The following TASP1 variants were observed in gnomAD, a reference collection of about 807,000 sequenced individuals.
TASP1 encodes threonine aspartase 1.
A neutral mutation model predicts 56.6 loss-of-function variants in TASP1; 16 were observed. That is an observed-to-expected ratio of 0.28 (90% CI 0.19 to 0.43). The LOEUF (loss-of-function observed/expected upper bound fraction) is 0.43. TASP1 is among the 20% of genes least tolerant of loss of function. The pLI, the probability that TASP1 is intolerant of heterozygous loss-of-function variation, is 1.00. For synonymous variants in TASP1, 179 were observed against 184.2 expected, an observed-to-expected ratio of 0.97 and a Z score of 0.23; for missense variants, 393 against 511.6, an observed-to-expected ratio of 0.77 and a Z score of 2.24.
chr20:13,336,163 G>A, the TASP1 span, among the ~76,000 whole-genome samples: 2 of 152,202 alleles, frequency 1.3e-5, no homozygotes, highest in African/African-American at 4.8e-5. Context: ...AAAGGAGAAT[G>A]AGTTTCAACC....
chr20:13,320,810 GCTT>G, the TASP1 span, among the ~76,000 whole-genome samples: 1 of 152,156 alleles, frequency 6.6e-6, no homozygotes, highest in East Asian at 1.9e-4. Flanking sequence ...GTGGGAAAGG[GCTT>G]CCCAGAAGTT....
chr20:13,575,811 T>C (rs1470846830), intron 6 of TASP1, among the ~76,000 whole-genome samples: 3 of 152,118 alleles, frequency 2.0e-5, no homozygotes, highest in Admixed American at 6.5e-5. Flanking sequence ...ATATACCGCA[T>C]TGGAGGTTCC....
chr20:13,150,030 T>C, the TASP1 span, among the ~76,000 whole-genome samples: 1 of 152,204 alleles, frequency 6.6e-6, no homozygotes, highest in African/African-American at 2.4e-5. Flanking sequence ...GCAAAAGTGC[T>C]GAATGCACAC....
intron 7 of TASP1, 87 bp from the exon 8 acceptor site, chr20:13,559,201 C>A: frequency 1.3e-6 from 1 of 788,848 alleles, no homozygotes. Context: ...AGAGCCTTCC[C>A]AGAAGAAAAT....
intron 6 of TASP1, among the ~76,000 whole-genome samples, chr20:13,576,711 C>G (rs1295205506): frequency 1.3e-5 from 2 of 152,074 alleles, no homozygotes; most frequent in Non-Finnish European, 2.9e-5. Flanking sequence ...AATGGAAAAA[C>G]AAATTCTAAA....
At chr20:13,213,949 A>G in the TASP1 span, among the ~76,000 whole-genome samples, 1 of 152,202 alleles carries the variant, frequency 6.6e-6, no homozygotes, top group African/African-American at 2.4e-5. Context: ...CAAAAGACCA[A>G]AAGAAAAAGG....
the TASP1 span, among the ~76,000 whole-genome samples, chr20:13,172,415 A>G: frequency 6.6e-6 from 1 of 152,150 alleles, no homozygotes; most frequent in African/African-American, 2.4e-5. Flanking sequence ...CCATTTCTCC[A>G]ATCTGCACCA....
At chr20:13,280,318 T>C in the TASP1 span, among the ~76,000 whole-genome samples, 1 of 151,894 alleles carries the variant, frequency 6.6e-6, no homozygotes, top group South Asian at 2.1e-4. Context: ...GGCAACTGTG[T>C]TATGTTTGAT....
the TASP1 span, among the ~76,000 whole-genome samples, chr20:13,281,841 G>A: frequency 6.6e-6 from 1 of 152,178 alleles, no homozygotes; most frequent in South Asian, 2.1e-4. Context: ...TTGTTTCTAT[G>A]AGTAGAGCTC....
chr20:13,288,558 G>C, the TASP1 span: 7 of 1,613,764 alleles, frequency 4.3e-6, no homozygotes, highest in African/African-American at 9.3e-5. Context: ...GATGGCGAGG[G>C]TGACTGGAGT....
the TASP1 span, among the ~76,000 whole-genome samples, chr20:13,319,753 C>G: frequency 2.6e-5 from 4 of 152,220 alleles, no homozygotes; most frequent in African/African-American, 9.6e-5. Flanking sequence ...CACACACACA[C>G]TCTAGAGGGT....
the TASP1 span, among the ~76,000 whole-genome samples, chr20:13,106,313 A>G: frequency 4.6e-5 from 7 of 152,130 alleles, no homozygotes; most frequent in African/African-American, 1.7e-4. Flanking sequence ...CTAGGGCGAG[A>G]AGGATGAGGA....
At chr20:13,402,766 C>G (rs6079047) in intron 13 of TASP1, among the ~76,000 whole-genome samples, 1 of 152,166 alleles carries the variant, frequency 6.6e-6, no homozygotes, top group Non-Finnish European at 1.5e-5. Flanking sequence ...CATTCAATGA[C>G]TAAATGCCAT....
chr20:13,450,727 C>A (rs1266310460), intron 11 of TASP1, among the ~76,000 whole-genome samples: 1 of 152,064 alleles, frequency 6.6e-6, no homozygotes, highest in Non-Finnish European at 1.5e-5. Context: ...TCCTCAAAGT[C>A]ATCAATGAGG....
intron 10 of TASP1, among the ~76,000 whole-genome samples, chr20:13,485,941 A>G (rs987151489): frequency 5.9e-5 from 9 of 152,334 alleles, no homozygotes; most frequent in Non-Finnish European, 1.3e-4. Context: ...TTACATGAAA[A>G]CTACACAATG....
chr20:13,491,881 AGTG>A (rs199825022), intron 10 of TASP1, among the ~76,000 whole-genome samples: 1,573 of 152,320 alleles, frequency 0.01, 29 homozygotes, highest in African/African-American at 0.035. Flanking sequence ...TTATTAATGT[AGTG>A]TTCTAATGGT....
At chr20:13,439,694 AAATT>A (rs1202081179) in intron 11 of TASP1, among the ~76,000 whole-genome samples, 4 of 152,106 alleles carry the variant, frequency 2.6e-5, no homozygotes, top group African/African-American at 9.7e-5. Flanking sequence ...AACACAGGGA[AAATT>A]TGGGCAAGTG....
intron 12 of TASP1, among the ~76,000 whole-genome samples, chr20:13,432,884 C>T (rs996016211): frequency 1.9e-4 from 29 of 152,136 alleles, no homozygotes; most frequent in African/African-American, 7.0e-4. Context: ...TACTGTGATA[C>T]TCCTTTTTAG....
the TASP1 span, among the ~76,000 whole-genome samples, chr20:13,369,954 AAAG>A: frequency 6.6e-6 from 1 of 152,192 alleles, no homozygotes; most frequent in African/African-American, 2.4e-5. Context: ...AAGGTGGAGA[AAAG>A]AAGGTGGACT....
Sources: allele counts gnomAD v4.1 joint callset (sites outside exome capture counted in the v4.1 genomes callset), GRCh38; gene constraint gnomAD v4.1.1; transcripts MANE v1.5; gene names NCBI Gene and HGNC (gene_info 2026-07-23, HGNC 2026-07-21).